Variants in CNTNAP2 observed in about 807,000 individuals in gnomAD.
CNTNAP2 encodes contactin associated protein 2.
A neutral mutation model predicts 155.2 loss-of-function variants in CNTNAP2; 98 were observed. The ratio of observed to expected loss-of-function variants is 0.63; its 90% confidence interval spans 0.54 to 0.75. CNTNAP2 has a LOEUF of 0.75. Among genes scored for constraint, CNTNAP2 ranks in the 30% least tolerant of loss-of-function variants. CNTNAP2 has a pLI of 0.00. For missense variants in CNTNAP2, 1,727 were observed against 1,688.1 expected, an observed-to-expected ratio of 1.02 and a Z score of -0.40; for synonymous variants, 651 against 631.2, an observed-to-expected ratio of 1.03 and a Z score of -0.47.
chr7:146,845,811 G>A (rs1010104606), intron 3 of CNTNAP2, among the ~76,000 whole-genome samples: 1 of 152,200 alleles, frequency 6.6e-6, no homozygotes, highest in Non-Finnish European at 1.5e-5. Context: ...AGGCATGACA[G>A]GTAGACCTAG....
At chr7:147,770,896 CAA>C (rs897921372) in intron 13 of CNTNAP2, among the ~76,000 whole-genome samples, 1 of 151,968 alleles carries the variant, frequency 6.6e-6, no homozygotes, top group African/African-American at 2.4e-5. Flanking sequence ...CAAGACTAGC[CAA>C]AACATTCTAG....
At chr7:146,994,171 C>G (rs1446101524) in intron 3 of CNTNAP2, among the ~76,000 whole-genome samples, 2 of 152,004 alleles carry the variant, frequency 1.3e-5, no homozygotes, top group African/African-American at 4.8e-5. Flanking sequence ...ACATAGGTTA[C>G]TAGTAGTAAG....
chr7:146,147,928 A>T (rs1797979515), intron 1 of CNTNAP2, among the ~76,000 whole-genome samples: 2 of 152,100 alleles, frequency 1.3e-5, no homozygotes, highest in South Asian at 4.1e-4. Flanking sequence ...ATCAGGAACC[A>T]ATATATATAT....
At chr7:147,407,225 T>C (rs973040702) in intron 10 of CNTNAP2, among the ~76,000 whole-genome samples, 2 of 152,000 alleles carry the variant, frequency 1.3e-5, no homozygotes, top group Admixed American at 6.6e-5. Context: ...TCCCAGCACT[T>C]TGGGAGGCCG....
At chr7:146,422,544 C>G (rs1021249619) in intron 1 of CNTNAP2, among the ~76,000 whole-genome samples, 4 of 151,814 alleles carry the variant, frequency 2.6e-5, no homozygotes, top group Admixed American at 1.3e-4. Context: ...AACTCTCTAT[C>G]AAATGCTCAA....
In CNTNAP2 at chr7:146,885,849, A is replaced by G. The variant is rs565876218; in HGVS notation, c.402+45945A>G. ...CATGAATTGTAAACTAAGCATTTCA[A>G]TAATATGTGAGTGTATTTTGCACAG... On this transcript the variant is annotated intron_variant, in intron 3 of 23. Coordinates refer to ENST00000361727, the MANE Select transcript of CNTNAP2 (RefSeq NM_014141.6). 5.3e-5 allele frequency among the ~76,000 whole-genome samples: 8 copies of G among 152,148 alleles called. No homozygotes were observed. In the South Asian group the frequency reaches 1.7e-3, roughly 32 times the overall value.
chr7:146,932,567 G>A (rs1460286120), intron 3 of CNTNAP2, among the ~76,000 whole-genome samples: 2 of 152,202 alleles, frequency 1.3e-5, no homozygotes, highest in Non-Finnish European at 2.9e-5. Context: ...ATTCAACATA[G>A]TGTTGGAAGT....
At chr7:148,305,380 A>G (rs1797473492) in intron 21 of CNTNAP2, among the ~76,000 whole-genome samples, 1 of 152,122 alleles carries the variant, frequency 6.6e-6, no homozygotes, top group Non-Finnish European at 1.5e-5. Flanking sequence ...TCTTCCCTCA[A>G]CATATTGCAG....
At chr7:147,555,631 G>C (rs1285372515) in intron 11 of CNTNAP2, among the ~76,000 whole-genome samples, 1 of 152,200 alleles carries the variant, frequency 6.6e-6, no homozygotes, top group Non-Finnish European at 1.5e-5. Context: ...CAGGAAGACT[G>C]CTTATGATGT....
At chr7:148,296,472 G>A (rs1178489439) in intron 21 of CNTNAP2, among the ~76,000 whole-genome samples, 1 of 145,492 alleles carries the variant, frequency 6.9e-6, no homozygotes. Flanking sequence ...GCTTGCACCC[G>A]GGGGTGGAGT....
chr7:148,099,101 T>C (rs530400848), intron 15 of CNTNAP2, among the ~76,000 whole-genome samples: 6 of 152,284 alleles, frequency 3.9e-5, no homozygotes, highest in Admixed American at 6.5e-5. Flanking sequence ...AAGAGCACTA[T>C]TGTGGAAGCG....
At chr7:148,254,558 C>T (rs1219075982) in intron 20 of CNTNAP2, among the ~76,000 whole-genome samples, 1 of 152,008 alleles carries the variant, frequency 6.6e-6, no homozygotes, top group African/African-American at 2.4e-5. Context: ...GGGCAAATCA[C>T]GAGGTCAGGA....
chr7:146,227,662 G>T (rs1428460712), intron 1 of CNTNAP2, among the ~76,000 whole-genome samples: 1 of 152,286 alleles, frequency 6.6e-6, no homozygotes, highest in East Asian at 1.9e-4. Context: ...ATAACCGGAA[G>T]AGTGCAGAGA....
At chr7:146,162,529 A>T (rs1433656672) in intron 1 of CNTNAP2, among the ~76,000 whole-genome samples, 1 of 152,222 alleles carries the variant, frequency 6.6e-6, no homozygotes, top group Non-Finnish European at 1.5e-5. Flanking sequence ...GAGGATGTGG[A>T]GAAATAGGAA....
In CNTNAP2 at chr7:147,302,529, G is replaced by A. The variant is rs760900109; in HGVS notation, c.1498+2239G>A. Among the ~76,000 whole-genome samples, 6 of 152,146 alleles carry A rather than the reference G, an allele frequency of 3.9e-5. 1 individual carries two copies. The highest frequency in any genetic ancestry group is 6.6e-5 in the Admixed American group (1 of 15,260). On this transcript the variant is annotated intron_variant, in intron 9 of 23. Transcript: ENST00000361727. The stretch of plus-strand genomic sequence containing the variant: ...ATCACGATGCTTGTTTTGTTATATC[G>A]TCATTAGCTGAATCCTAAGTGTGTA...
chr7:147,191,954 A>C (rs1273721751), intron 8 of CNTNAP2, among the ~76,000 whole-genome samples: 2 of 152,228 alleles, frequency 1.3e-5, no homozygotes, highest in Non-Finnish European at 2.9e-5. Flanking sequence ...CGCTGCCAAA[A>C]ATGAGTGCCA....
intron 8 of CNTNAP2, among the ~76,000 whole-genome samples, chr7:147,214,898 C>G (rs142962418): frequency 6.6e-6 from 1 of 152,070 alleles, no homozygotes; most frequent in Non-Finnish European, 1.5e-5. Flanking sequence ...AGCATACTTA[C>G]GGTCATGATA....
At chr7:146,466,760 T>A (rs777990254) in intron 1 of CNTNAP2, among the ~76,000 whole-genome samples, 2 of 152,214 alleles carry the variant, frequency 1.3e-5, no homozygotes, top group African/African-American at 2.4e-5. Flanking sequence ...GGCTTCATCT[T>A]CTGATCAGAC....
At chr7:146,785,711 A>G (rs1168318941) in intron 2 of CNTNAP2, among the ~76,000 whole-genome samples, 1 of 152,244 alleles carries the variant, frequency 6.6e-6, no homozygotes, top group South Asian at 2.1e-4. Flanking sequence ...CTAGAAATTT[A>G]AATCTCATTT....
Sources: allele counts gnomAD v4.1 joint callset (sites outside exome capture counted in the v4.1 genomes callset), GRCh38; gene constraint gnomAD v4.1.1; transcripts MANE v1.5; gene names NCBI Gene and HGNC (gene_info 2026-07-23, HGNC 2026-07-21).